FBXO10: variants seen among roughly 807,000 people sequenced by gnomAD.
The protein encoded by FBXO10 is F-box only protein 10.
Under a neutral mutation model 80.7 loss-of-function variants are expected in FBXO10, and 39 were observed. That is an observed-to-expected ratio of 0.48 (90% CI 0.37 to 0.63). The LOEUF is 0.63. FBXO10 is among the 30% of genes least tolerant of loss of function. The pLI is 0.00. For synonymous variants in FBXO10, 449 were observed against 489.6 expected, an observed-to-expected ratio of 0.92 and a Z score of 1.09; for missense variants, 1,025 against 1,269.0, an observed-to-expected ratio of 0.81 and a Z score of 2.92.
intron 1 of FBXO10, among the ~76,000 whole-genome samples, chr9:37,550,117 C>A (rs1278148927): frequency 6.7e-6 from 1 of 149,962 alleles, no homozygotes; most frequent in Non-Finnish European, 1.5e-5. Context: ...ATAGGAAGAG[C>A]CAGCTTAATG....
chr9:37,522,793 C>T (rs765172172), intron 7 of FBXO10, 32 bp downstream of exon 7: 127 of 1,550,324 alleles, frequency 8.2e-5, no homozygotes, highest in Non-Finnish European at 1.0e-4. Flanking sequence ...GGCTTCCTGC[C>T]TCCCCGGCTG....
intron 1 of FBXO10, among the ~76,000 whole-genome samples, chr9:37,558,673 C>T (rs926695657): frequency 1.6e-4 from 25 of 152,054 alleles, no homozygotes; most frequent in African/African-American, 5.6e-4. Flanking sequence ...CCCATCATGC[C>T]CCCACCTCAA....
intron 4 of FBXO10, 94 bp downstream of exon 4, chr9:37,531,815 C>A (rs1233733352): frequency 1.4e-6 from 2 of 1,419,720 alleles, no homozygotes; most frequent in Non-Finnish European, 9.8e-7. Context: ...ACAGGAAGCA[C>A]GTAAATACAA....
intron 1 of FBXO10, among the ~76,000 whole-genome samples, chr9:37,575,911 G>A (rs890771613): frequency 6.6e-6 from 1 of 152,208 alleles, no homozygotes; most frequent in Non-Finnish European, 1.5e-5. Flanking sequence ...AAATCTCAGG[G>A]CTGGAGGCAC....
At chr9:37,518,092 C>T (rs1337267591) in intron 9 of FBXO10, 33 bp downstream of exon 9, 1 of 1,579,152 alleles carries the variant, frequency 6.3e-7, no homozygotes, top group South Asian at 1.2e-5. Flanking sequence ...CCTGTGTGGG[C>T]ACCACACGTC....
At chr9:37,552,818 G>GA (rs2119158512) in intron 1 of FBXO10, among the ~76,000 whole-genome samples, 1 of 152,224 alleles carries the variant, frequency 6.6e-6, no homozygotes, top group East Asian at 1.9e-4. Context: ...GTGGAAGGTA[G>GA]AAAAGCAAGA....
At chr9:37,522,335 G>A in intron 7 of FBXO10, 11 of 1,000,196 alleles carry the variant, frequency 1.1e-5, no homozygotes, top group Non-Finnish European at 1.3e-5. Flanking sequence ...AGAAAGGGCT[G>A]AGTAGAGAGG....
chr9:37,529,351 T>C, intron 4 of FBXO10, 91 bp from the exon 5 acceptor site: 1 of 1,387,114 alleles, frequency 7.2e-7, no homozygotes. Flanking sequence ...CGCGGCAGGA[T>C]GAACACAGTG....
At chr9:37,528,041 A>G (rs1821517785) in intron 5 of FBXO10, among the ~76,000 whole-genome samples, 2 of 152,228 alleles carry the variant, frequency 1.3e-5, no homozygotes, top group Middle Eastern at 3.2e-3. Context: ...CAAAGTACCT[A>G]TGGAATAATG....
At chr9:37,570,096 G>C (rs1822709739) in intron 1 of FBXO10, among the ~76,000 whole-genome samples, 1 of 152,172 alleles carries the variant, frequency 6.6e-6, no homozygotes, top group South Asian at 2.1e-4. Flanking sequence ...GAACACCTGA[G>C]GTAAGGAGTT....
chr9:37,534,372 A>G (rs1821703075), intron 3 of FBXO10, among the ~76,000 whole-genome samples: 2 of 152,206 alleles, frequency 1.3e-5, no homozygotes, highest in Admixed American at 1.3e-4. Context: ...CCTGAATGCT[A>G]CAAAAAGACA....
At chr9:37,521,522 G>A (rs1014532833) in intron 8 of FBXO10, 47 bp downstream of exon 8, 1 of 1,457,748 alleles carries the variant, frequency 6.9e-7, no homozygotes, top group South Asian at 1.6e-5. Context: ...AAAGACAGTG[G>A]GGAGCCATGG....
intron 1 of FBXO10, among the ~76,000 whole-genome samples, chr9:37,566,845 A>C (rs1822619403): frequency 2.0e-5 from 3 of 152,340 alleles, no homozygotes; most frequent in African/African-American, 7.2e-5. Flanking sequence ...AGCGTGAGAA[A>C]TAACCATCTG....
Position 37,560,695 on chromosome 9 carries a change from C to A in FBXO10, c.-7+15516G>T, listed in dbSNP as rs1029781494. Among the ~76,000 whole-genome samples the A allele has an allele frequency of 4.6e-5, 7 of 151,926 alleles. No homozygotes were observed. In the South Asian group the frequency reaches 1.0e-3, roughly 23 times the overall value. ...TTCCGTTTTACCACTGGGGCCTCTG[C>A]ATGTGGAATTAAAAGTAACAAATGT... On this transcript the variant is annotated intron_variant, in intron 1 of 10. Coordinates refer to ENST00000432825, the MANE Select transcript of FBXO10 (RefSeq NM_012166.3).
At chr9:37,575,244 GT>G (rs1822863717) in intron 1 of FBXO10, among the ~76,000 whole-genome samples, 2 of 152,034 alleles carry the variant, frequency 1.3e-5, no homozygotes. Context: ...GACTCATATG[GT>G]AGGAACAACA....
chr9:37,520,507 C>T lies in FBXO10; in HGVS notation c.2200+1062G>A, dbSNP rs1167362660. Among the ~76,000 whole-genome samples, 4 of 144,312 alleles carry T rather than the reference C, an allele frequency of 2.8e-5. No individual in the cohort carries two copies. In the Admixed American group the frequency reaches 2.8e-4, roughly 10 times the overall value. The allele number at this position is 144,312 out of a possible 152,430, so 94.7% of individuals were successfully genotyped here. A position where few individuals can be genotyped will look rare whatever the true frequency, so the allele number is the denominator to read the frequency against. On this transcript the variant is annotated intron_variant, in intron 8 of 10. Coordinates refer to ENST00000432825, the MANE Select transcript of FBXO10 (RefSeq NM_012166.3). ...CCAGATCCAACTAATTTTTCTTTCT[C>T]TACTCCTTCTTCTTCTTTTTTTTTT...
intron 2 of FBXO10, 85 bp downstream of exon 2, chr9:37,541,099 C>CA: frequency 2.4e-6 from 3 of 1,245,980 alleles, no homozygotes; most frequent in Non-Finnish European, 3.3e-6. Context: ...TCAATTCCAA[C>CA]AAAAAAAGGG....
At chr9:37,528,765 C>T (rs936883626) in intron 5 of FBXO10, among the ~76,000 whole-genome samples, 1 of 152,214 alleles carries the variant, frequency 6.6e-6, no homozygotes, top group Non-Finnish European at 1.5e-5. Flanking sequence ...AGGATGTTGA[C>T]ACAGCACCCC....
intron 5 of FBXO10, among the ~76,000 whole-genome samples, chr9:37,527,854 T>C (rs1303997855): frequency 1.3e-5 from 2 of 152,148 alleles, no homozygotes; most frequent in Non-Finnish European, 2.9e-5. Context: ...AAGAGCTCTA[T>C]GACCACTAAT....
Sources: allele counts gnomAD v4.1 joint callset (sites outside exome capture counted in the v4.1 genomes callset), GRCh38; gene constraint gnomAD v4.1.1; transcripts MANE v1.5; gene names NCBI Gene and HGNC (gene_info 2026-07-23, HGNC 2026-07-21).